TLL1: variants seen among roughly 807,000 people sequenced by gnomAD.
TLL1 encodes tolloid like 1, also known as tolloid-like protein 1.
In TLL1, 49 loss-of-function variants were observed where a neutral mutation model predicts 128.2. The ratio of observed to expected loss-of-function variants is 0.38; its 90% confidence interval spans 0.30 to 0.48. The LOEUF (loss-of-function observed/expected upper bound fraction) is 0.48. Ranked by LOEUF, TLL1 falls within the 20% of genes least tolerant of loss-of-function variation. TLL1 has a pLI of 0.96. For synonymous variants in TLL1, 454 were observed against 418.8 expected (o/e 1.08, Z -1.03); for missense variants, 1,123 against 1,242.0 (o/e 0.90, Z 1.44).
chr4:165,932,154 T>A (rs941047786), intron 1 of TLL1, among the ~76,000 whole-genome samples: 1 of 152,148 alleles, frequency 6.6e-6, no homozygotes, highest in Non-Finnish European at 1.5e-5. Flanking sequence ...CCAGAGACAT[T>A]CAAAATCAGA....
intron 19 of TLL1, among the ~76,000 whole-genome samples, chr4:166,092,986 T>A (rs565813051): frequency 1.3e-5 from 2 of 150,422 alleles, no homozygotes; most frequent in South Asian, 4.1e-4. Context: ...CTTCTGCCCG[T>A]GCACGCCATT....
intron 2 of TLL1, among the ~76,000 whole-genome samples, chr4:165,990,663 C>T (rs1210734772): frequency 6.6e-6 from 1 of 151,638 alleles, no homozygotes; most frequent in African/African-American, 2.4e-5. Context: ...GCAGAAAACG[C>T]ACTTTAATAT....
At chr4:165,875,329 TC>T (rs1380048422) in intron 1 of TLL1, among the ~76,000 whole-genome samples, 3 of 152,062 alleles carry the variant, frequency 2.0e-5, no homozygotes, top group Non-Finnish European at 2.9e-5. Flanking sequence ...TGCTGGAAAT[TC>T]CCTAGTTAAT....
At chr4:166,080,209 T>C (rs7685716) in intron 18 of TLL1, among the ~76,000 whole-genome samples, 150,426 of 152,174 alleles carry the variant, frequency 0.99, 74,369 homozygotes, top group Non-Finnish European at 1. Flanking sequence ...GGTATTTTCT[T>C]TGTGTATTCA....
intron 1 of TLL1, among the ~76,000 whole-genome samples, chr4:165,954,684 T>C (rs964024808): frequency 2.0e-5 from 3 of 151,928 alleles, no homozygotes; most frequent in African/African-American, 7.2e-5. Flanking sequence ...TGGAAATAAA[T>C]ATCCCATAGA....
chr4:165,877,716 C>A (rs1202397130), intron 1 of TLL1, among the ~76,000 whole-genome samples: 2 of 152,040 alleles, frequency 1.3e-5, no homozygotes, highest in Admixed American at 6.6e-5. Context: ...CTCTCCTTCT[C>A]TTCTTCCCTC....
chr4:165,952,898 A>G (rs1191322033), intron 1 of TLL1, among the ~76,000 whole-genome samples: 2 of 152,174 alleles, frequency 1.3e-5, no homozygotes, highest in Admixed American at 6.5e-5. Flanking sequence ...TTTAAAAGAA[A>G]CAGAAAACTT....
At chr4:165,894,842 AGTGTGTGTGTGT>A (rs34248657) in intron 1 of TLL1, among the ~76,000 whole-genome samples, 11 of 142,114 alleles carry the variant, frequency 7.7e-5, no homozygotes, top group Middle Eastern at 3.6e-3. Flanking sequence ...TCAAATGATG[AGTGTGTGTGTGT>A]GTGTGTGTGT....
intron 9 of TLL1, among the ~76,000 whole-genome samples, chr4:166,037,739 C>G (rs1174966364): frequency 6.6e-6 from 1 of 151,882 alleles, no homozygotes; most frequent in Non-Finnish European, 1.5e-5. Flanking sequence ...ACCCGGAAGG[C>G]AGAGGTTGCA....
At chr4:166,044,254 T>A (rs1407447381) in intron 12 of TLL1, 11 of 764,588 alleles carry the variant, frequency 1.4e-5, no homozygotes, top group Non-Finnish European at 2.1e-5. Flanking sequence ...ATTCACTAAG[T>A]GATCAGAAGG....
At chr4:166,097,785 A>T (rs1742091425) in intron 19 of TLL1, among the ~76,000 whole-genome samples, 1 of 152,096 alleles carries the variant, frequency 6.6e-6, no homozygotes, top group South Asian at 2.1e-4. Context: ...GTACTTGGCT[A>T]TCCAGTGGTT....
rs559637808 is a variant in TLL1 at position 165,967,191 on chromosome 4, A to G, written c.170-22190A>G. Among the ~76,000 whole-genome samples, 4 of 152,298 alleles carry G rather than the reference A, an allele frequency of 2.6e-5. No individual in the cohort carries two copies. In the South Asian group the frequency reaches 6.2e-4, roughly 24 times the overall value. Reference sequence around the variant, plus strand: ...CTGGCCCCTCGGGCAGTCAGGCCCAATGGTTATCTCCCTCGTTCCCTGAAA... The same window carrying G: ...CTGGCCCCTCGGGCAGTCAGGCCCAGTGGTTATCTCCCTCGTTCCCTGAAA... On this transcript the variant is annotated intron_variant, in intron 1 of 20. Transcript: ENST00000061240.
chr4:166,037,508 T>G (rs980972648), intron 9 of TLL1, among the ~76,000 whole-genome samples: 2 of 152,074 alleles, frequency 1.3e-5, no homozygotes, highest in African/African-American at 2.4e-5. Flanking sequence ...AATGAACAAT[T>G]CTATTAAAAC....
chr4:165,941,337 C>T (rs939273227), intron 1 of TLL1, among the ~76,000 whole-genome samples: 5 of 151,932 alleles, frequency 3.3e-5, no homozygotes, highest in South Asian at 2.1e-4. Context: ...TTGAACTTGT[C>T]GTAATGATGA....
intron 1 of TLL1, among the ~76,000 whole-genome samples, chr4:165,962,376 A>G (rs181348537): frequency 1.4e-4 from 22 of 152,322 alleles, no homozygotes; most frequent in African/African-American, 5.3e-4. Context: ...GTGAGACACC[A>G]TCTTACACCA....
chr4:165,934,995 A>G (rs923648868), intron 1 of TLL1, among the ~76,000 whole-genome samples: 2 of 152,170 alleles, frequency 1.3e-5, no homozygotes, highest in Non-Finnish European at 2.9e-5. Flanking sequence ...GCGAATACTG[A>G]GATTATAAAG....
At chr4:165,948,911 A>G (rs1734381600) in intron 1 of TLL1, among the ~76,000 whole-genome samples, 1 of 152,122 alleles carries the variant, frequency 6.6e-6, no homozygotes, top group African/African-American at 2.4e-5. Context: ...ATAATTCTAA[A>G]GATATTTCCT....
chr4:166,072,519 T>C (rs892173090), intron 16 of TLL1, among the ~76,000 whole-genome samples: 2 of 152,006 alleles, frequency 1.3e-5, no homozygotes, highest in Admixed American at 1.3e-4. Context: ...TACAAAATCA[T>C]TGAAATACAA....
At chr4:166,090,207 A>G (rs5029799) in intron 18 of TLL1, among the ~76,000 whole-genome samples, 136,248 of 151,570 alleles carry the variant, frequency 0.9, 62,068 homozygotes, top group East Asian at 1. Context: ...TCTTCTATAG[A>G]CTTAAGTAGG....
Sources: allele counts gnomAD v4.1 joint callset (sites outside exome capture counted in the v4.1 genomes callset), GRCh38; gene constraint gnomAD v4.1.1; transcripts MANE v1.5; gene names NCBI Gene and HGNC (gene_info 2026-07-23, HGNC 2026-07-21).